RGS5: variants seen among roughly 807,000 people sequenced by gnomAD.
RGS5 encodes the protein regulator of G protein signaling 5, also known as regulator of G-protein signalling 5.
A neutral mutation model predicts 18.9 loss-of-function variants in RGS5; 20 were observed. That is an observed-to-expected ratio of 1.06 (90% CI 0.74 to 1.54). RGS5 has a LOEUF of 1.54. Ranked by LOEUF, RGS5 falls within the 40% of genes most tolerant of loss-of-function variation. The pLI is 0.00. For synonymous variants in RGS5, 57 were observed against 76.2 expected (o/e 0.75, Z 1.31); for missense variants, 201 against 211.8 (o/e 0.95, Z 0.32).
intron 1 of RGS5, among the ~76,000 whole-genome samples, chr1:163,314,395 G>C (rs17362585): frequency 2.0e-5 from 3 of 151,850 alleles, no homozygotes; most frequent in African/African-American, 7.3e-5. Flanking sequence ...GAGAAAACAG[G>C]ATTTGAAAAA....
chr1:163,199,532 C>T (rs1659695859), intron 1 of RGS5, among the ~76,000 whole-genome samples: 1 of 151,944 alleles, frequency 6.6e-6, no homozygotes. Context: ...TATATATATT[C>T]CACCCTTTAA....
chr1:163,161,850 A>C, intron 3 of RGS5, 65 bp downstream of exon 3: 1 of 1,243,328 alleles, frequency 8.0e-7, no homozygotes, highest in Non-Finnish European at 1.2e-6. Flanking sequence ...AGGTAATACA[A>C]AGATGTTTTT....
chr1:163,311,099 A>C (rs1023197563), intron 1 of RGS5, among the ~76,000 whole-genome samples: 2 of 152,212 alleles, frequency 1.3e-5, no homozygotes, highest in Admixed American at 1.3e-4. Context: ...GTGTGGAGAC[A>C]CAAAGCCTAA....
At chr1:163,232,994 T>C (rs1218484092) in intron 2 of RGS5, among the ~76,000 whole-genome samples, 1 of 152,214 alleles carries the variant, frequency 6.6e-6, no homozygotes, top group Non-Finnish European at 1.5e-5. Flanking sequence ...ATTTTTTCCC[T>C]CTTATTCAAG....
chr1:163,186,400 C>T (rs1205774376), intron 1 of RGS5, among the ~76,000 whole-genome samples: 1 of 151,480 alleles, frequency 6.6e-6, no homozygotes, highest in Non-Finnish European at 1.5e-5. Flanking sequence ...AGTGTAGTAA[C>T]CAAAACTGTG....
At chr1:163,249,566 G>A (rs1285369547) in intron 2 of RGS5, among the ~76,000 whole-genome samples, 8 of 152,358 alleles carry the variant, frequency 5.3e-5, no homozygotes, top group Admixed American at 2.0e-4. Flanking sequence ...CAAGGCGAGC[G>A]GATCACCTGA....
chr1:163,317,869 T>G (rs1650069833), intron 1 of RGS5, among the ~76,000 whole-genome samples: 1 of 151,970 alleles, frequency 6.6e-6, no homozygotes, highest in Non-Finnish European at 1.5e-5. Context: ...CTTTTTTCCC[T>G]ATGAGAATGT....
At chr1:163,314,505 T>C (rs1571359233) in intron 1 of RGS5, among the ~76,000 whole-genome samples, 3 of 152,118 alleles carry the variant, frequency 2.0e-5, no homozygotes, top group Middle Eastern at 3.4e-3. Flanking sequence ...ATGAGAATGA[T>C]AACATGGCAC....
At chr1:163,292,452 C>T (rs896213911) in intron 2 of RGS5, among the ~76,000 whole-genome samples, 2 of 152,136 alleles carry the variant, frequency 1.3e-5, no homozygotes, top group East Asian at 1.9e-4. Context: ...CATGTTTTTG[C>T]TATTGTGAAT....
chr1:163,306,423 A>G (rs1172778874), intron 1 of RGS5: 1 of 152,234 alleles, frequency 6.6e-6, no homozygotes, highest in East Asian at 1.9e-4. Context: ...CAGTTTTCAA[A>G]GGAGGTAAAA....
intron 1 of RGS5, chr1:163,217,512 A>G: frequency 6.6e-7 from 1 of 1,520,652 alleles, no homozygotes; most frequent in Non-Finnish European, 8.8e-7. Context: ...TTTAAGACTA[A>G]TATTTGTACA....
intron 1 of RGS5, chr1:163,172,412 A>G (rs1447915857): frequency 1.2e-6 from 1 of 813,560 alleles, no homozygotes; most frequent in African/African-American, 1.7e-5. Flanking sequence ...TCCTTTTAAA[A>G]CCAGGATGAA....
At chr1:163,290,463 T>C (rs1277352398) in intron 2 of RGS5, among the ~76,000 whole-genome samples, 1 of 152,212 alleles carries the variant, frequency 6.6e-6, no homozygotes, top group Non-Finnish European at 1.5e-5. Context: ...ATTTCTTCAT[T>C]GTTTACTAAG....
chr1:163,267,279 A>G (rs1648594081), intron 2 of RGS5: 1 of 152,096 alleles, frequency 6.6e-6, no homozygotes, highest in Admixed American at 6.6e-5. Flanking sequence ...GAAAACAGCC[A>G]TATGAAAGCC....
At position 163,235,917 on chromosome 1, in the gene RGS5, G is replaced by T. The variant is rs115901592; in HGVS notation, c.-280-67549C>A. Among the ~76,000 whole-genome samples the T allele has an allele frequency of 2.2e-3, 331 of 152,218 alleles. 1 individual carries two copies. Among genetic ancestry groups the T allele is most frequent in the African/African-American group, 7.8e-3 (325 of 41,548 alleles). ...CAGGACAATGCCTTTAAAATTCTCAGGAGCTTTTTTGCCAAGCTAAGAGAG... is the reference window on the plus strand; with the variant it reads ...CAGGACAATGCCTTTAAAATTCTCATGAGCTTTTTTGCCAAGCTAAGAGAG... On this transcript the variant is annotated intron_variant, in intron 2 of 5. Transcript: ENST00000618415.
upstream of RGS5, among the ~76,000 whole-genome samples, chr1:163,203,266 T>C (rs2101663414): frequency 6.6e-6 from 1 of 152,286 alleles, no homozygotes; most frequent in East Asian, 1.9e-4. Flanking sequence ...AAGTCATAGA[T>C]TCTTAGGACT....
chr1:163,296,534 G>A (rs1649423001), intron 2 of RGS5, among the ~76,000 whole-genome samples: 1 of 152,134 alleles, frequency 6.6e-6, no homozygotes, highest in Non-Finnish European at 1.5e-5. Flanking sequence ...CTTCATGCTT[G>A]TTGCTGTGGG....
intron 1 of RGS5, among the ~76,000 whole-genome samples, chr1:163,317,963 G>T (rs1650072019): frequency 6.6e-6 from 1 of 151,590 alleles, no homozygotes; most frequent in South Asian, 2.1e-4. Flanking sequence ...CTCAGTGTCT[G>T]GCACAAAATA....
Position 163,216,891 on chromosome 1 carries a change from C to T in RGS5, c.69+635G>A, listed in dbSNP as rs183251380. On this transcript the variant is annotated intron_variant, in intron 1 of 5. Transcript: ENST00000367903. Reference sequence around the variant, plus strand: ...CGACCTCGCCAACTAAACTTCACAACCCCCAAGTACTCACATTACAGTTGG... The same window carrying T: ...CGACCTCGCCAACTAAACTTCACAATCCCCAAGTACTCACATTACAGTTGG... 8.5e-5 allele frequency among the ~76,000 whole-genome samples: 13 copies of T among 152,306 alleles called. No individual in the cohort carries two copies. In the East Asian group the frequency reaches 1.9e-3, roughly 23 times the overall value.
Sources: allele counts gnomAD v4.1 joint callset (sites outside exome capture counted in the v4.1 genomes callset), GRCh38; gene constraint gnomAD v4.1.1; transcripts MANE v1.5; gene names NCBI Gene and HGNC (gene_info 2026-07-23, HGNC 2026-07-21).